Variants in C12orf42 observed in about 807,000 individuals in gnomAD.
C12orf42 encodes chromosome 12 open reading frame 42.
A neutral mutation model predicts 21.6 loss-of-function variants in C12orf42; 25 were observed. That is an observed-to-expected ratio of 1.16 (90% CI 0.84 to 1.62). The LOEUF (loss-of-function observed/expected upper bound fraction) is 1.62. Ranked by LOEUF, C12orf42 falls within the 40% of genes most tolerant of loss-of-function variation. The pLI, the probability that C12orf42 is intolerant of heterozygous loss-of-function variation, is 0.00. For synonymous variants in C12orf42, 174 were observed against 175.0 expected (o/e 0.99, Z 0.05); for missense variants, 483 against 459.3 (o/e 1.05, Z -0.47).
rs77868894 is a variant in C12orf42, at chr12:103,333,812, A to G, written c.260-27467T>C. Among the ~76,000 whole-genome samples the G allele has an allele frequency of 7.1e-3, 1,081 of 152,344 alleles. 7 individuals carry two copies. The highest frequency in any genetic ancestry group is 0.011 in the Non-Finnish European group (753 of 68,030). ...AGCACACAAAATGTGAGTCACTGTCATAAGTATCCAGGACACTCATTTCTC... is the reference window on the plus strand; with the variant it reads ...AGCACACAAAATGTGAGTCACTGTCGTAAGTATCCAGGACACTCATTTCTC... On this transcript the variant is annotated intron_variant, in intron 4 of 5. Coordinates refer to ENST00000548883, the MANE Select transcript of C12orf42 (RefSeq NM_198521.5).
the C12orf42 span, among the ~76,000 whole-genome samples, chr12:103,118,520 T>C: frequency 5.9e-4 from 90 of 152,204 alleles, no homozygotes; most frequent in East Asian, 0.011. Flanking sequence ...AGCTTTTGGC[T>C]GGGCGCGGTG....
intron 4 of C12orf42, among the ~76,000 whole-genome samples, chr12:103,294,600 G>GAA (rs1468781983): frequency 2.6e-5 from 3 of 117,074 alleles, no homozygotes; most frequent in Admixed American, 8.8e-5. Flanking sequence ...AAGAAAGAAA[G>GAA]AAAGAAAGAA....
At chr12:103,094,743 A>G in the C12orf42 span, among the ~76,000 whole-genome samples, 2 of 152,168 alleles carry the variant, frequency 1.3e-5, no homozygotes, top group Middle Eastern at 3.2e-3. Context: ...AATTCAAGAT[A>G]CACATTTGTT....
intron 3 of C12orf42, among the ~76,000 whole-genome samples, chr12:103,381,909 T>G (rs917466352): frequency 1.9e-5 from 2 of 106,164 alleles, no homozygotes; most frequent in African/African-American, 6.1e-5. Flanking sequence ...AGAGTGAGAC[T>G]CCGTCTCAAA....
chr12:103,136,979 A>T, the C12orf42 span, among the ~76,000 whole-genome samples: 1 of 152,204 alleles, frequency 6.6e-6, no homozygotes, highest in Non-Finnish European at 1.5e-5. Flanking sequence ...CTAGGCAAAG[A>T]TGAGGGCCTC....
At chr12:103,546,207 C>T in the C12orf42 span, among the ~76,000 whole-genome samples, 10 of 152,154 alleles carry the variant, frequency 6.6e-5, no homozygotes, top group African/African-American at 2.4e-4. Flanking sequence ...CTCGGAAACT[C>T]AGCATGTAAT....
the C12orf42 span, among the ~76,000 whole-genome samples, chr12:103,521,764 C>A: frequency 3.9e-5 from 6 of 152,190 alleles, no homozygotes; most frequent in African/African-American, 1.4e-4. Flanking sequence ...AATGAAATAT[C>A]GTCTTTGTCT....
the C12orf42 span, among the ~76,000 whole-genome samples, chr12:103,071,786 T>C: frequency 0.93 from 142,077 of 152,174 alleles, 66,455 homozygotes; most frequent in East Asian, 1. Flanking sequence ...TATAAATTAC[T>C]CAGTCTTGAC....
intron 4 of C12orf42, among the ~76,000 whole-genome samples, chr12:103,314,517 A>T (rs1219157476): frequency 6.6e-6 from 1 of 152,202 alleles, no homozygotes; most frequent in Non-Finnish European, 1.5e-5. Flanking sequence ...GAGAATAAAA[A>T]TCTTCTGGGG....
At chr12:103,281,141 A>C (rs1034187242) in intron 4 of C12orf42, among the ~76,000 whole-genome samples, 1 of 152,210 alleles carries the variant, frequency 6.6e-6, no homozygotes, top group African/African-American at 2.4e-5. Context: ...TATTTGAAAG[A>C]GTAATTCTAC....
chr12:103,146,506 AAAAG>A, the C12orf42 span, among the ~76,000 whole-genome samples: 1 of 142,614 alleles, frequency 7.0e-6, no homozygotes, highest in Non-Finnish European at 1.5e-5. Flanking sequence ...AAAGAAAGAG[AAAAG>A]AAAGAGAAAG....
intron 1 of C12orf42, among the ~76,000 whole-genome samples, chr12:103,489,272 A>C (rs1047845293): frequency 6.6e-6 from 1 of 152,214 alleles, no homozygotes; most frequent in African/African-American, 2.4e-5. Flanking sequence ...GGGTATCACC[A>C]GCAGAGGCTG....
chr12:103,171,605 G>A, the C12orf42 span, among the ~76,000 whole-genome samples: 1 of 152,050 alleles, frequency 6.6e-6, no homozygotes, highest in African/African-American at 2.4e-5. Context: ...TTAATAAATT[G>A]AAGAGTTGGA....
At chr12:103,252,545 TG>T (rs2034361617) in intron 10 of C12orf42, among the ~76,000 whole-genome samples, 2 of 152,198 alleles carry the variant, frequency 1.3e-5, no homozygotes, top group South Asian at 4.1e-4. Context: ...TAATGACCAG[TG>T]ATGATGAGCT....
the C12orf42 span, among the ~76,000 whole-genome samples, chr12:103,218,547 T>A: frequency 6.6e-6 from 1 of 152,124 alleles, no homozygotes; most frequent in Non-Finnish European, 1.5e-5. Flanking sequence ...GGGAAATGCT[T>A]CACTGGACTC....
At chr12:103,492,439 T>C (rs1439486091) in intron 1 of C12orf42, among the ~76,000 whole-genome samples, 1 of 152,232 alleles carries the variant, frequency 6.6e-6, no homozygotes, top group Non-Finnish European at 1.5e-5. Flanking sequence ...TCACATGGCA[T>C]ATCTTCTTTC....
At chr12:103,422,220 C>T (rs1019821692) in intron 2 of C12orf42, among the ~76,000 whole-genome samples, 3 of 152,006 alleles carry the variant, frequency 2.0e-5, no homozygotes, top group Non-Finnish European at 4.4e-5. Flanking sequence ...AAGAAAAACC[C>T]AAAATTGATT....
chr12:103,536,374 G>A, the C12orf42 span, among the ~76,000 whole-genome samples: 6 of 152,130 alleles, frequency 3.9e-5, no homozygotes, highest in South Asian at 2.1e-4. Flanking sequence ...TATGGGTGTC[G>A]ATCTCAGGAA....
At chr12:103,462,405 C>T (rs1952799278) in intron 2 of C12orf42, among the ~76,000 whole-genome samples, 1 of 151,762 alleles carries the variant, frequency 6.6e-6, no homozygotes, top group Non-Finnish European at 1.5e-5. Flanking sequence ...GCCACTGCAC[C>T]CAGCCTATTT....
Sources: gnomAD v4.1 joint callset for allele counts (sites outside exome capture counted in the v4.1 genomes callset) on GRCh38, gnomAD v4.1.1 for gene constraint, MANE v1.5 for transcripts, NCBI Gene and HGNC (gene_info 2026-07-23, HGNC 2026-07-21) for gene names.